PI4KA: variants seen among roughly 807,000 people sequenced by gnomAD.
PI4KA encodes the protein PI4-kinase alpha.
Under a neutral mutation model 271.4 loss-of-function variants are expected in PI4KA, and 122 were observed. The observed-to-expected ratio is 0.45, with a 90% CI of 0.39 to 0.52. The LOEUF (loss-of-function observed/expected upper bound fraction) is 0.52. Ranked by LOEUF, PI4KA falls within the 20% of genes least tolerant of loss-of-function variation. The pLI, the probability that PI4KA is intolerant of heterozygous loss-of-function variation, is 0.00. For missense variants in PI4KA, 1,969 were observed against 2,769.1 expected (o/e 0.71, Z 6.48); for synonymous variants, 1,041 against 1,078.8 (o/e 0.96, Z 0.69).
intron 30 of PI4KA, 132 bp from the exon 31 acceptor site, chr22:20,742,896 C>T: frequency 1.4e-6 from 1 of 713,822 alleles, no homozygotes; most frequent in African/African-American, 1.8e-5. Flanking sequence ...CTCATGCATG[C>T]AGAGAGACAG....
rs771052630 is a variant in PI4KA, at chr22:20,732,958, T to C, written c.4288+13A>G. On this transcript the variant is annotated intron_variant, in intron 36 of 54. Transcript: ENST00000255882. ...CTGCCTCCACCATGAGCAGCTGCAC[T>C]GTTGAGGGTTACCTGGGGGAACAAG... The C allele has an allele frequency of 1.2e-6, 2 of 1,611,376 alleles. No homozygotes were observed. The highest frequency in any genetic ancestry group is 1.1e-5 in the South Asian group (1 of 90,968).
chr22:20,730,361 G>A (rs1281698744), intron 36 of PI4KA, among the ~76,000 whole-genome samples: 1 of 152,040 alleles, frequency 6.6e-6, no homozygotes, highest in East Asian at 1.9e-4. Flanking sequence ...TGCAACCTCC[G>A]CCTCCTGGGT....
At chr22:20,740,777 C>T (rs1324653416) in intron 32 of PI4KA, among the ~76,000 whole-genome samples, 1 of 152,158 alleles carries the variant, frequency 6.6e-6, no homozygotes, top group African/African-American at 2.4e-5. Flanking sequence ...AGAAACAATG[C>T]AAGCTACTAG....
chr22:20,846,827 T>C (rs1316053808), intron 1 of PI4KA, among the ~76,000 whole-genome samples: 1 of 94,116 alleles, frequency 1.1e-5, no homozygotes, highest in Non-Finnish European at 1.9e-5. Context: ...TGGGCAATAG[T>C]GCAGGCTCAA....
At chr22:20,832,383 G>A (rs752197177) in intron 3 of PI4KA, among the ~76,000 whole-genome samples, 7 of 152,044 alleles carry the variant, frequency 4.6e-5, no homozygotes, top group Non-Finnish European at 7.4e-5. Context: ...CCAAAGTGTT[G>A]GGATTACAGG....
intron 52 of PI4KA, 31 bp downstream of exon 52, chr22:20,710,668 C>T (rs202187717): frequency 1.5e-4 from 235 of 1,612,764 alleles, no homozygotes; most frequent in Admixed American, 2.0e-4. Context: ...ACACCCCCTC[C>T]GCCTCCACCC....
In PI4KA at chr22:20,718,712, T is replaced by C; in HGVS notation, c.5227A>G (p.Asn1743Asp). Residue 1743 changes from asparagine (N) to aspartate (D), a missense_variant, in exon 44 of 55, where the codon AAC becomes GAC. Physicochemically the swap from Asn to Asp is conservative, Grantham distance 23 (BLOSUM62 1). Around this residue, in one of 13 missense-constraint regions of PI4KA, gnomAD observed 388 missense variants for 521.5 expected, o/e 0.74. Coordinates refer to ENST00000255882, the MANE Select transcript of PI4KA (RefSeq NM_058004.4). ...REFDFFNKIT[N>D]VSAIIKPYPK... ...ACTTACTTGATGATAGCCGACACGT[T>C]GGTGATCTTGTTAAAGAAATCAAAC... The C allele has an allele frequency of 6.2e-7, 1 of 1,613,694 alleles. No individual in the cohort carries two copies. Among genetic ancestry groups the C allele is most frequent in the South Asian group, 1.1e-5 (1 of 91,054 alleles).
At chr22:20,830,417 G>A (rs1239853480) in intron 3 of PI4KA, among the ~76,000 whole-genome samples, 1 of 152,154 alleles carries the variant, frequency 6.6e-6, no homozygotes, top group Non-Finnish European at 1.5e-5. Context: ...TGTCTTTTGT[G>A]ATCTTCGTTG....
chr22:20,753,838 C>A (rs990583432), intron 23 of PI4KA, among the ~76,000 whole-genome samples: 1 of 152,144 alleles, frequency 6.6e-6, no homozygotes, highest in Non-Finnish European at 1.5e-5. Flanking sequence ...AGGTGCCCAC[C>A]ACCACGCCCG....
In PI4KA at chr22:20,786,008, C is replaced by A; in HGVS notation, c.2328+7185G>T. The A allele has an allele frequency of 6.2e-7, 1 of 1,614,104 alleles. No individual in the cohort carries two copies. The highest frequency in any genetic ancestry group is 1.3e-5 in the African/African-American group (1 of 75,010). On this transcript the variant is annotated intron_variant, in intron 19 of 54. Transcript: ENST00000255882. ...CCCCTTTCCTTTTCTGTCTAGAACT[C>A]GAGAAGTGCTTCTGCCGAAATTCAA...
chr22:20,730,984 C>T (rs909304711), intron 36 of PI4KA, among the ~76,000 whole-genome samples: 9 of 151,892 alleles, frequency 5.9e-5, no homozygotes. Flanking sequence ...CGAGGCCAGC[C>T]TGGACAACAA....
In PI4KA at chr22:20,711,472, A is replaced by C. The variant is rs1380234341; in HGVS notation, c.5803-11T>G. 8 of 1,367,202 alleles carry C rather than the reference A, an allele frequency of 5.9e-6. No individual in the cohort carries two copies. The highest frequency in any genetic ancestry group is 1.5e-5 in the African/African-American group (1 of 64,794). 84.7% of individuals were successfully genotyped at this position (1,367,202 alleles called of 1,614,324 possible). Reference sequence around the variant, plus strand: ...GAAGTTGTAGCGGGCCTGTGCAGAGAGCGCCCTGGGCTCAAAAAGGCCCTG... The same window carrying C: ...GAAGTTGTAGCGGGCCTGTGCAGAGCGCGCCCTGGGCTCAAAAAGGCCCTG... On this transcript the variant is annotated splice_polypyrimidine_tract_variant and intron_variant, in intron 50 of 54. Transcript: ENST00000255882.
At chr22:20,809,893 A>C (rs768902461) in intron 9 of PI4KA, among the ~76,000 whole-genome samples, 1 of 152,152 alleles carries the variant, frequency 6.6e-6, no homozygotes, top group Non-Finnish European at 1.5e-5. Flanking sequence ...CAGGGGTACG[A>C]AGCAGGAAGA....
rs192232139 is a variant in PI4KA at position 20,756,342 on chromosome 22, T to C, written c.2792-3162A>G. Among the ~76,000 whole-genome samples, 377 of 151,838 alleles carry C rather than the reference T, an allele frequency of 2.5e-3. 1 individual carries two copies. The highest frequency in any genetic ancestry group is 8.7e-3 in the African/African-American group (360 of 41,396). On this transcript the variant is annotated intron_variant, in intron 23 of 54. Coordinates refer to ENST00000255882, the MANE Select transcript of PI4KA (RefSeq NM_058004.4). ...TTCAAGCAATTCTCCTGTCTCAGCCTCCCGAGTAGGTGGGATTACAGGCAT... is the reference window on the plus strand; with the variant it reads ...TTCAAGCAATTCTCCTGTCTCAGCCCCCCGAGTAGGTGGGATTACAGGCAT...
chr22:20,707,744 ATC>A lies in PI4KA; in HGVS notation c.*301_*302del, dbSNP rs755023556. The A allele has an allele frequency of 4.5e-6, 2 of 445,568 alleles. No individual in the cohort carries two copies. The highest frequency in any genetic ancestry group is 8.3e-6 in the Non-Finnish European group (2 of 242,250). The allele number at this position is 445,568 out of a possible 1,614,324, so 27.6% of individuals were successfully genotyped here. A position where few individuals can be genotyped will look rare whatever the true frequency, so the allele number is the denominator to read the frequency against. ...ATTTTGTTGATGTTGGTTAAATCTTATCTCTTTTTTTATACACAATACTTCAT... is the reference window on the plus strand; with the variant it reads ...ATTTTGTTGATGTTGGTTAAATCTTATCTTTTTTTATACACAATACTTCAT... On this transcript the variant is annotated 3_prime_UTR_variant, in exon 55 of 55. Transcript: ENST00000255882.
intron 10 of PI4KA, among the ~76,000 whole-genome samples, chr22:20,806,973 G>T (rs776648732): frequency 1.3e-5 from 2 of 152,046 alleles, no homozygotes; most frequent in African/African-American, 2.4e-5. Flanking sequence ...GACCTTAAGT[G>T]ATCAGCCCAC....
At chr22:20,855,536 T>C (rs1052723580) in intron 1 of PI4KA, among the ~76,000 whole-genome samples, 16 of 152,244 alleles carry the variant, frequency 1.1e-4, no homozygotes, top group African/African-American at 3.6e-4. Context: ...TTTTTTACAG[T>C]GAATGGATAT....
rs564519202 is a variant in PI4KA at position 20,727,042 on chromosome 22, T to C, written c.4941+188A>G. On this transcript the variant is annotated intron_variant, in intron 41 of 54. Coordinates refer to ENST00000255882, the MANE Select transcript of PI4KA (RefSeq NM_058004.4). The stretch of plus-strand genomic sequence containing the variant: ...ACGCCTCACTAGATTAAAAAACAAA[T>C]GTAACTAGAGAACACATTTGAATTA... Among the ~76,000 whole-genome samples the C allele has an allele frequency of 2.6e-5, 4 of 152,060 alleles. No individual in the cohort carries two copies. In the South Asian group the frequency reaches 8.3e-4, roughly 32 times the overall value.
At chr22:20,798,975 T>A in intron 16 of PI4KA, 118 bp downstream of exon 16, 4 of 807,956 alleles carry the variant, frequency 5.0e-6, no homozygotes, top group South Asian at 1.8e-5. Flanking sequence ...TTAAAACCGT[T>A]GTCAGCATTT....
Sources: gnomAD v4.1 joint callset for allele counts (sites outside exome capture counted in the v4.1 genomes callset) on GRCh38, gnomAD v4.1.1 for gene constraint, gnomAD v4.1.1 regional missense constraint, MANE v1.5 for transcripts, NCBI Gene and HGNC (gene_info 2026-07-23, HGNC 2026-07-21) for gene names.